EEF1E1: variants seen among roughly 807,000 people sequenced by gnomAD.
EEF1E1 encodes the protein eukaryotic translation elongation factor 1 epsilon 1.
In EEF1E1, 19 loss-of-function variants were observed where a neutral mutation model predicts 19.9. The ratio of observed to expected loss-of-function variants is 0.95; its 90% CI spans 0.66 to 1.40. EEF1E1 has a LOEUF of 1.40. Ranked by LOEUF, EEF1E1 falls within the 40% of genes most tolerant of loss-of-function variation. The probability of loss-of-function intolerance (pLI) is 0.00; values close to 1 mark genes in which losing one functional copy is unlikely to be tolerated. For synonymous variants in EEF1E1, 81 were observed against 80.0 expected (o/e 1.01, Z -0.07); for missense variants, 198 against 202.2 (o/e 0.98, Z 0.13).
intron 1 of EEF1E1, among the ~76,000 whole-genome samples, chr6:8,098,220 A>G (rs1003375171): frequency 6.6e-6 from 1 of 152,016 alleles, no homozygotes; most frequent in Non-Finnish European, 1.5e-5. Context: ...CCCGGGTTCA[A>G]CCGATTCTCC....
chr6:8,076,565 T>C (rs755213537), downstream of EEF1E1, among the ~76,000 whole-genome samples: 86 of 151,884 alleles, frequency 5.7e-4, no homozygotes, highest in African/African-American at 1.4e-3. Flanking sequence ...CCTCGTGATC[T>C]GCCCGCCTCG....
At chr6:8,102,363 C>A (rs779175190) in intron 1 of EEF1E1, 72 bp downstream of exon 1, 96 of 1,471,978 alleles carry the variant, frequency 6.5e-5, no homozygotes, top group Admixed American at 1.2e-4. Flanking sequence ...GTGGCCGGCC[C>A]GGGTCCTGCC....
chr6:8,097,200 A>C, intron 2 of EEF1E1, 67 bp downstream of exon 2: 1 of 1,503,298 alleles, frequency 6.7e-7, no homozygotes, highest in Non-Finnish European at 9.2e-7. Flanking sequence ...CAGCTTTTTA[A>C]TCTCAGGGGA....
chr6:8,082,258 A>G (rs1239147822), intron 3 of EEF1E1, among the ~76,000 whole-genome samples: 2 of 152,084 alleles, frequency 1.3e-5, no homozygotes, highest in Non-Finnish European at 2.9e-5. Context: ...AAAAATTCCT[A>G]ATTTATTCCA....
chr6:8,087,229 T>C (rs1757883373), intron 3 of EEF1E1, among the ~76,000 whole-genome samples: 2 of 152,174 alleles, frequency 1.3e-5, no homozygotes, highest in Admixed American at 1.3e-4. Context: ...AGGAGTCAGA[T>C]GAATTAAGAC....
downstream of EEF1E1, among the ~76,000 whole-genome samples, chr6:8,076,551 C>G (rs1041742131): frequency 9.9e-5 from 15 of 151,764 alleles, no homozygotes; most frequent in Non-Finnish European, 1.6e-4. Flanking sequence ...TCTAAATCTC[C>G]TGACCTCGTG....
At chr6:8,087,583 C>A (rs1222668595) in intron 3 of EEF1E1, among the ~76,000 whole-genome samples, 5 of 152,176 alleles carry the variant, frequency 3.3e-5, no homozygotes, top group Admixed American at 2.0e-4. Context: ...AAACTCCTGA[C>A]CTCAAGTGAT....
intron 1 of EEF1E1, among the ~76,000 whole-genome samples, chr6:8,101,200 T>C (rs1443117609): frequency 1.8e-5 from 2 of 110,212 alleles, no homozygotes; most frequent in Non-Finnish European, 3.3e-5. Flanking sequence ...CACTACAGCC[T>C]GGGCGACACA....
Position 8,097,391 on chromosome 6 carries a change from G to C in EEF1E1, c.164C>G (p.Ala55Gly), listed in dbSNP as rs1758204132. 6.2e-7 allele frequency: 1 copy of C among 1,614,020 alleles called. No individual in the cohort carries two copies. Among genetic ancestry groups the C allele is most frequent in the Non-Finnish European group, 8.5e-7 (1 of 1,180,012 alleles). ...ACTCCCCAGCAAATATTCTTTGTTG[G>C]CTTGCTTGACTAGATGAGCTGCTAT... is the stretch of plus-strand genomic sequence containing the variant. ...TTIAAHLVKQ[A>G]NKEYLLGSTA... The change falls in exon 2 of 4, where the codon GCC becomes GGC. Residue 55 changes from alanine (A) to glycine (G), a missense_variant. Physicochemically the swap from Ala to Gly is moderately conservative, Grantham distance 60. Transcript: ENST00000379715.
At chr6:8,077,684 T>C (rs1472734448), downstream of EEF1E1, among the ~76,000 whole-genome samples, 3 of 152,230 alleles carry the variant, frequency 2.0e-5, no homozygotes, top group African/African-American at 7.2e-5. Flanking sequence ...ATTAAGAGAA[T>C]GTTGTGGCTG....
At chr6:8,091,457 T>A (rs769168462) in intron 2 of EEF1E1, among the ~76,000 whole-genome samples, 3 of 152,228 alleles carry the variant, frequency 2.0e-5, no homozygotes, top group Non-Finnish European at 4.4e-5. Context: ...AACATATGAT[T>A]TACAAATATT....
At chr6:8,077,331 C>T (rs1383778441), downstream of EEF1E1, among the ~76,000 whole-genome samples, 1 of 152,122 alleles carries the variant, frequency 6.6e-6, no homozygotes, top group Non-Finnish European at 1.5e-5. Context: ...TGCATTAGCC[C>T]CATATTTAAT....
intron 2 of EEF1E1, among the ~76,000 whole-genome samples, chr6:8,096,219 A>C (rs1047476135): frequency 1.3e-5 from 2 of 152,196 alleles, no homozygotes; most frequent in Non-Finnish European, 2.9e-5. Context: ...CAAGTACTTC[A>C]TTACTATCCT....
At chr6:8,093,721 G>T (rs1168295923) in intron 2 of EEF1E1, among the ~76,000 whole-genome samples, 1 of 151,650 alleles carries the variant, frequency 6.6e-6, no homozygotes, top group African/African-American at 2.4e-5. Flanking sequence ...ATACATGTAA[G>T]TGAATTTTTA....
intron 3 of EEF1E1, among the ~76,000 whole-genome samples, chr6:8,082,667 C>A (rs778489273): frequency 6.6e-6 from 1 of 152,120 alleles, no homozygotes; most frequent in Admixed American, 6.5e-5. Flanking sequence ...TCATTTTTCC[C>A]TCAGGAAACT....
At position 8,087,840 on chromosome 6, in the gene EEF1E1, A is replaced by T. The variant is rs1285542984; in HGVS notation, c.384+2346T>A. On this transcript the variant is annotated intron_variant, in intron 3 of 3. Transcript: ENST00000379715. ...AGGCATTTAGGAGCTGGAAATCAGG[A>T]TCTGATTGACTGGATGCATGAGGTG... 3.3e-5 allele frequency among the ~76,000 whole-genome samples: 5 copies of T among 152,316 alleles called. No individual in the cohort carries two copies. In the East Asian group the frequency reaches 9.6e-4, roughly 29 times the overall value.
At position 8,079,862 on chromosome 6, in the gene EEF1E1, T is replaced by C. The variant is rs755356428; in HGVS notation, c.*28A>G. The stretch of plus-strand genomic sequence containing the variant: ...CATTTTCCATTTAAAACATTTTTAA[T>C]AGATCTTCTGTATGGCATGGACAGC... On this transcript the variant is annotated 3_prime_UTR_variant, in exon 4 of 4. Transcript: ENST00000379715. 2 of 1,596,432 alleles carry C rather than the reference T, an allele frequency of 1.3e-6. No individual in the cohort carries two copies. Among genetic ancestry groups the C allele is most frequent in the East Asian group, 2.2e-5 (1 of 44,630 alleles).
At chr6:8,088,860 C>T (rs1757939602) in intron 3 of EEF1E1, among the ~76,000 whole-genome samples, 1 of 150,866 alleles carries the variant, frequency 6.6e-6, no homozygotes, top group South Asian at 2.1e-4. Flanking sequence ...TGGAGGAAGG[C>T]TCGGTGATAA....
Position 8,093,598 on chromosome 6 carries a change from T to C in EEF1E1, c.289-3317A>G, listed in dbSNP as rs77168099. On this transcript the variant is annotated intron_variant, in intron 2 of 3. Coordinates refer to ENST00000379715, the MANE Select transcript of EEF1E1 (RefSeq NM_004280.5). Reference sequence around the variant, plus strand: ...CATTGTGGTTTTATGGTTTTACCACTGAAATGGCACTTTGACAAATAAGAA... The same window carrying C: ...CATTGTGGTTTTATGGTTTTACCACCGAAATGGCACTTTGACAAATAAGAA... Among the ~76,000 whole-genome samples, 854 of 152,202 alleles carry C rather than the reference T, an allele frequency of 5.6e-3. 7 individuals are homozygous for C. The highest frequency in any genetic ancestry group is 0.02 in the African/African-American group (829 of 41,544).
Sources: allele counts gnomAD v4.1 joint callset (sites outside exome capture counted in the v4.1 genomes callset), GRCh38; gene constraint gnomAD v4.1.1; transcripts MANE v1.5; gene names NCBI Gene and HGNC (gene_info 2026-07-23, HGNC 2026-07-21).